Variants in GPHN observed in about 807,000 individuals in gnomAD.
GPHN encodes the protein gephyrin.
In GPHN, 17 loss-of-function variants were observed where a neutral mutation model predicts 95.5. The ratio of observed to expected loss-of-function variants is 0.18; its 90% CI spans 0.12 to 0.27. The LOEUF (loss-of-function observed/expected upper bound fraction) is 0.27, where lower values mean the gene tolerates loss of function less well. Ranked by LOEUF, GPHN falls within the 10% of genes least tolerant of loss-of-function variation. GPHN has a pLI of 1.00. For missense variants in GPHN, 660 were observed against 978.1 expected, an observed-to-expected ratio of 0.67 and a Z score of 4.34; for synonymous variants, 320 against 322.5, an observed-to-expected ratio of 0.99 and a Z score of 0.08.
the GPHN span, among the ~76,000 whole-genome samples, chr14:67,377,986 G>A: frequency 6.6e-6 from 1 of 151,872 alleles, no homozygotes; most frequent in Non-Finnish European, 1.5e-5. Context: ...GGTAGCATTT[G>A]CCTGTAGTAG....
the GPHN span, among the ~76,000 whole-genome samples, chr14:67,431,410 A>AAC: frequency 0.011 from 1,244 of 109,304 alleles, 64 homozygotes; most frequent in African/African-American, 0.044. Flanking sequence ...AAAAAAAAAA[A>AAC]AAAAAAAAAA....
intron 8 of GPHN, among the ~76,000 whole-genome samples, chr14:66,935,317 A>T (rs1383087908): frequency 6.6e-6 from 1 of 152,116 alleles, no homozygotes; most frequent in Non-Finnish European, 1.5e-5. Context: ...GATGCTCCCT[A>T]AGCTGTATTG....
chr14:66,805,255 T>A (rs1007159370), intron 3 of GPHN, among the ~76,000 whole-genome samples: 3 of 152,138 alleles, frequency 2.0e-5, no homozygotes, highest in African/African-American at 7.2e-5. Context: ...TCACTATTGC[T>A]AGAATAGCAA....
At chr14:67,384,151 C>T in the GPHN span, 1 of 152,240 alleles carries the variant, frequency 6.6e-6, no homozygotes, top group Non-Finnish European at 1.5e-5. Context: ...GAATTTATCA[C>T]ACCACGTCCT....
chr14:67,077,702 CAGCT>C (rs1175789812), intron 11 of GPHN, among the ~76,000 whole-genome samples: 1 of 152,078 alleles, frequency 6.6e-6, no homozygotes, highest in African/African-American at 2.4e-5. Flanking sequence ...GCCAGTACTC[CAGCT>C]AGTGGGGAAT....
intron 11 of GPHN, among the ~76,000 whole-genome samples, chr14:67,085,355 G>T (rs1202087335): frequency 2.6e-5 from 4 of 152,196 alleles, no homozygotes; most frequent in Admixed American, 6.5e-5. Context: ...CAAATTGTCA[G>T]TGAGACCTTA....
chr14:67,697,124 C>CTGA, the GPHN span, among the ~76,000 whole-genome samples: 1 of 151,822 alleles, frequency 6.6e-6, no homozygotes, highest in Non-Finnish European at 1.5e-5. Context: ...AGGCACTGTG[C>CTGA]TGATGTCCAG....
rs148705480 is a variant in GPHN, at chr14:67,179,457, C to T, written c.2080-121C>T. On this transcript the variant is annotated intron_variant, in intron 21 of 22. Coordinates refer to ENST00000478722, the MANE Select transcript of GPHN (RefSeq NM_020806.5). ...GAACATAAGGTGGTAGTGACAGCAA[C>T]GACAGAATACCAAGGTTAGTCTCCA... The T allele has an allele frequency of 2.2e-3, 1,584 of 707,672 alleles. 13 individuals are homozygous for T. In the African/African-American group the frequency reaches 0.024, roughly 11 times the overall value. The allele number at this position is 707,672 out of a possible 1,614,324, so 43.8% of individuals were successfully genotyped here.
At chr14:66,645,295 A>T (rs1163420495) in intron 1 of GPHN, among the ~76,000 whole-genome samples, 1 of 152,186 alleles carries the variant, frequency 6.6e-6, no homozygotes, top group Admixed American at 6.5e-5. Context: ...AATCTAACAG[A>T]TATTTATCTA....
rs563585173 is a variant in GPHN at position 66,867,551 on chromosome 14, A to G, written c.295-12388A>G. On this transcript the variant is annotated intron_variant, in intron 4 of 22. Transcript: ENST00000478722. The stretch of plus-strand genomic sequence containing the variant: ...ATGTCCCAAGAAAAATATTTTAAGG[A>G]TACCTACTCTGTACCATAGAATACT... 2.4e-3 allele frequency among the ~76,000 whole-genome samples: 366 copies of G among 152,298 alleles called. 4 individuals are homozygous for G. Among genetic ancestry groups the G allele is most frequent in the African/African-American group, 8.3e-3 (345 of 41,580 alleles).
Position 67,160,654 on chromosome 14 carries a change from C to A in GPHN, c.1910+1166C>A, listed in dbSNP as rs116382674. Among the ~76,000 whole-genome samples the A allele has an allele frequency of 3.0e-3, 453 of 152,258 alleles. 3 individuals are homozygous for A. The highest frequency in any genetic ancestry group is 0.01 in the African/African-American group (435 of 41,556). On this transcript the variant is annotated intron_variant, in intron 19 of 22. Coordinates refer to ENST00000478722, the MANE Select transcript of GPHN (RefSeq NM_020806.5). ...TATGGCTGAGAGTTCCAGCCCACCTCCATGCTGTCAGGGACAACAGTAATG... is the reference window on the plus strand; with the variant it reads ...TATGGCTGAGAGTTCCAGCCCACCTACATGCTGTCAGGGACAACAGTAATG...
intron 9 of GPHN, chr14:66,969,766 A>T (rs1469553831): frequency 6.6e-6 from 1 of 151,556 alleles, no homozygotes; most frequent in Non-Finnish European, 1.5e-5. Flanking sequence ...AAGCCACTGC[A>T]GTCCATCCTG....
At chr14:66,875,650 A>C (rs892721114) in intron 4 of GPHN, among the ~76,000 whole-genome samples, 1 of 152,176 alleles carries the variant, frequency 6.6e-6, no homozygotes, top group African/African-American at 2.4e-5. Context: ...AAGATCAAAA[A>C]AGACAAAGAA....
At chr14:67,328,707 T>C in the GPHN span, among the ~76,000 whole-genome samples, 1 of 152,228 alleles carries the variant, frequency 6.6e-6, no homozygotes, top group Non-Finnish European at 1.5e-5. Context: ...GCTAGCCAGT[T>C]TTCCCAGCAC....
intron 9 of GPHN, chr14:66,996,093 T>G: frequency 5.8e-6 from 5 of 858,106 alleles, no homozygotes; most frequent in Non-Finnish European, 9.5e-6. Flanking sequence ...GTGTTGGTGA[T>G]GGAGCCATCT....
the GPHN span, chr14:67,583,871 C>G: frequency 6.2e-7 from 1 of 1,613,796 alleles, no homozygotes; most frequent in Non-Finnish European, 8.5e-7. Context: ...GGGGCCCCCG[C>G]TGAACAGCTG....
the GPHN span, chr14:67,600,146 G>T: frequency 1.3e-6 from 2 of 1,593,522 alleles, no homozygotes; most frequent in East Asian, 2.3e-5. Flanking sequence ...GAGTAGTAGC[G>T]GCGCTGCAGC....
chr14:67,400,346 T>G, the GPHN span, among the ~76,000 whole-genome samples: 2 of 152,246 alleles, frequency 1.3e-5, no homozygotes, highest in African/African-American at 4.8e-5. Context: ...CTCTCTTCAC[T>G]TTGTTCCTTA....
At chr14:67,419,525 G>C in the GPHN span, among the ~76,000 whole-genome samples, 21 of 152,214 alleles carry the variant, frequency 1.4e-4, no homozygotes, top group Admixed American at 1.4e-3. Flanking sequence ...CCTCCACGCA[G>C]GGCTGCCTTC....
Sources: allele counts gnomAD v4.1 joint callset (sites outside exome capture counted in the v4.1 genomes callset), GRCh38; gene constraint gnomAD v4.1.1; transcripts MANE v1.5; gene names NCBI Gene and HGNC (gene_info 2026-07-23, HGNC 2026-07-21).